The following MCF2L variants were observed in gnomAD, a reference collection of about 807,000 sequenced individuals.
The protein encoded by MCF2L is guanine nucleotide exchange factor DBS.
Under a neutral mutation model 153.4 loss-of-function variants are expected in MCF2L, and 97 were observed. The observed-to-expected ratio is 0.63, with a 90% confidence interval of 0.54 to 0.75. The LOEUF is 0.75. MCF2L is among the 30% of genes least tolerant of loss of function. The pLI, the probability that MCF2L is intolerant of heterozygous loss-of-function variation, is 0.00. For missense variants in MCF2L, 1,347 were observed against 1,495.2 expected (o/e 0.90, Z 1.64); for synonymous variants, 659 against 632.2 (o/e 1.04, Z -0.64).
At chr13:112,971,826 C>T (rs549853255) in intron 1 of MCF2L, among the ~76,000 whole-genome samples, 18 of 152,192 alleles carry the variant, frequency 1.2e-4, no homozygotes, top group South Asian at 2.1e-4. Flanking sequence ...GGCTCATTTT[C>T]GTCTGTTTTG....
chr13:112,968,636 G>A, upstream of MCF2L: 1 of 1,527,394 alleles, frequency 6.5e-7, no homozygotes, highest in Non-Finnish European at 8.8e-7. Context: ...CGGCGCGGGT[G>A]GCATGCGGCC....
Position 112,960,464 on chromosome 13 carries a change from T to C in MCF2L, c.170-54299T>C, listed in dbSNP as rs1016428135. 6.6e-6 allele frequency among the ~76,000 whole-genome samples: 1 copy of C among 152,140 alleles called. No individual in the cohort carries two copies. The highest frequency in any genetic ancestry group is 1.5e-5 in the Non-Finnish European group (1 of 68,026). ...AACCCCAGCAGACTGCCTTGTCCCC[T>C]GCTCATTTTGGTTGTTGCATTGAAA... is the stretch of plus-strand genomic sequence containing the variant. On this transcript the variant is annotated intron_variant, in intron 2 of 29. Coordinates refer to the MCF2L transcript ENST00000375608. This position sits in a 1 kb window ranked among gnomAD's most constrained non-coding sequence, Gnocchi z 4.2.
rs764351361 is a variant in MCF2L at position 112,943,722 on chromosome 13, C to G, written c.169+41351C>G. 4.6e-5 allele frequency among the ~76,000 whole-genome samples: 7 copies of G among 152,120 alleles called. No homozygotes were observed. Among genetic ancestry groups the G allele is most frequent in the Non-Finnish European group, 8.8e-5 (6 of 68,000 alleles). On this transcript the variant is annotated intron_variant, in intron 2 of 29. Transcript: ENST00000375608. The surrounding 1 kb of genome is among the most constrained non-coding windows in gnomAD (Gnocchi z 4.2). Reference sequence around the variant, plus strand: ...TGGAGGGACCACACCGCCGGGAGCCCGAGCAGCCTGCGGTGGCTCGGCTCG... The same window carrying G: ...TGGAGGGACCACACCGCCGGGAGCCGGAGCAGCCTGCGGTGGCTCGGCTCG...
At chr13:112,968,495 G>T, upstream of MCF2L, 1 of 1,585,252 alleles carries the variant, frequency 6.3e-7, no homozygotes, top group Non-Finnish European at 8.5e-7. Context: ...CGTGCCTGCA[G>T]CGCGCGCTTC....
At chr13:113,055,203 T>G (rs1216318307) in intron 4 of MCF2L, among the ~76,000 whole-genome samples, 1 of 152,144 alleles carries the variant, frequency 6.6e-6, no homozygotes, top group Non-Finnish European at 1.5e-5. Context: ...TTTATTCTAT[T>G]TAATATAATG....
chr13:113,035,913 C>T lies in MCF2L; in HGVS notation c.279-9358C>T, dbSNP rs2086125081. On this transcript the variant is annotated intron_variant, in intron 3 of 29. Transcript: ENST00000535094. This position sits in a 1 kb window ranked among gnomAD's most constrained non-coding sequence, Gnocchi z 4.4. ...TCTGTGTGACAGGCGATGGGGCCTT[C>T]CTCTCTGGTACAGCAGGGGCCTAAG... Among the ~76,000 whole-genome samples, 1 of 152,170 alleles carries T rather than the reference C, an allele frequency of 6.6e-6. No individual in the cohort carries two copies. The highest frequency in any genetic ancestry group is 1.5e-5 in the Non-Finnish European group (1 of 68,032).
At position 113,091,812 on chromosome 13, in the gene MCF2L, C is replaced by T. The variant is rs569430374; in HGVS notation, c.2953+2084C>T. On this transcript the variant is annotated intron_variant, in intron 26 of 29. Coordinates refer to ENST00000535094, the MANE Select transcript of MCF2L (RefSeq NM_001112732.3). Reference sequence around the variant, plus strand: ...CCTCCCCTGGCCTGTTGAGGACCTTCAAGTGCAGGGACGGGGCTCATGTTT... The same window carrying T: ...CCTCCCCTGGCCTGTTGAGGACCTTTAAGTGCAGGGACGGGGCTCATGTTT... Among the ~76,000 whole-genome samples, 7 of 152,342 alleles carry T rather than the reference C, an allele frequency of 4.6e-5. No individual in the cohort carries two copies. In the South Asian group the frequency reaches 1.4e-3, roughly 32 times the overall value.
chr13:113,092,950 C>T (rs1159327282), intron 26 of MCF2L, among the ~76,000 whole-genome samples: 1 of 152,250 alleles, frequency 6.6e-6, no homozygotes, highest in Non-Finnish European at 1.5e-5. Flanking sequence ...GGCCTCGCTG[C>T]CCCTGTGGAC....
At position 113,075,093 on chromosome 13, in the gene MCF2L, G is replaced by A. The variant is rs958979740; in HGVS notation, c.1212G>A (p.Gln404=). ...TAGACTCCATCCGCCCAAAGTGCCA[G>A]GAGCTCCGGCACCTCTGTGACCAGT... ...YAVDSIRPKC[Q]ELRHLCDQFS... The change falls in exon 11 of 30, where the codon CAG becomes CAA. Residue 404 remains glutamine, a synonymous_variant. Coordinates refer to ENST00000535094, the MANE Select transcript of MCF2L (RefSeq NM_001112732.3). The A allele has an allele frequency of 2.9e-5, 47 of 1,613,758 alleles. No homozygotes were observed. Among genetic ancestry groups the A allele is most frequent in the Non-Finnish European group, 4.0e-5 (47 of 1,180,006 alleles).
At chr13:113,013,751 G>T (rs1269412352) in intron 1 of MCF2L, among the ~76,000 whole-genome samples, 1 of 152,250 alleles carries the variant, frequency 6.6e-6, no homozygotes, top group African/African-American at 2.4e-5. Flanking sequence ...GACTGCAAAT[G>T]TGGCTATATG....
chr13:112,917,218 C>G, intron 2 of MCF2L: 2 of 469,556 alleles, frequency 4.3e-6, no homozygotes, highest in Non-Finnish European at 4.4e-6. Flanking sequence ...CACCGCCCTG[C>G]CTCCGCAGAG....
chr13:113,096,125 A>C (rs1473119292), intron 27 of MCF2L: 15 of 580,904 alleles, frequency 2.6e-5, no homozygotes, highest in Non-Finnish European at 3.4e-5. Context: ...GTGTGTGGAG[A>C]CCAGCGTGAG....
chr13:113,095,449 G>A, intron 27 of MCF2L: 1 of 1,083,164 alleles, frequency 9.2e-7, no homozygotes, highest in Non-Finnish European at 1.1e-6. Context: ...GGGGAAACAG[G>A]CTGGTGGAAC....
rs2031233076 is a variant in MCF2L, at chr13:113,060,616, G to C, written c.393G>C (p.Gln131His). The change falls in exon 5 of 30, where the codon CAG (glutamine) becomes CAC (histidine). Residue 131 changes from glutamine to histidine, a missense_variant. Physicochemically the swap from Gln to His is conservative, Grantham distance 24. This residue lies in a region of MCF2L where 820 missense variants were observed against 921.2 expected (regional missense o/e 0.89). Transcript: ENST00000535094. Reference protein sequence around the residue: ...RIAASFPANLQLVLVLRPTGF... With the variant: ...RIAASFPANLHLVLVLRPTGF... The stretch of plus-strand genomic sequence containing the variant: ...AGGCATCTTTCCCGGCAAACCTGCA[G>C]CTCGTCCTCGTGCTTCGCCCGACGG... 1.9e-6 allele frequency: 3 copies of C among 1,613,326 alleles called. No homozygotes were observed. Among genetic ancestry groups the C allele is most frequent in the Non-Finnish European group, 2.5e-6 (3 of 1,179,976 alleles).
Position 113,096,551 on chromosome 13 carries a change from T to A in MCF2L, c.3190T>A (p.Tyr1064Asn). The change falls in exon 29 of 30, where the codon TAC becomes AAC. Residue 1064 changes from tyrosine (Y) to asparagine (N), a missense_variant and splice_region_variant. Coordinates refer to ENST00000535094, the MANE Select transcript of MCF2L (RefSeq NM_001112732.3). The stretch of plus-strand genomic sequence containing the variant: ...GCCGCTGACCCTCGCCCCTTGCAGG[T>A]ACGTCAGGGACCCGACCACTGGCAA... ...LVQEGDEGLW[Y>N]VRDPTTGKEG... The A allele has an allele frequency of 6.2e-7, 1 of 1,603,506 alleles. No homozygotes were observed.
chr13:112,911,178 A>G (rs1311706478), intron 2 of MCF2L, among the ~76,000 whole-genome samples: 1 of 152,218 alleles, frequency 6.6e-6, no homozygotes, highest in Non-Finnish European at 1.5e-5. Context: ...CAGGAGCCTA[A>G]GCCCAGCTTT....
intron 1 of MCF2L, among the ~76,000 whole-genome samples, chr13:112,897,884 G>A (rs2081082396): frequency 6.6e-6 from 1 of 152,178 alleles, no homozygotes; most frequent in South Asian, 2.1e-4. Flanking sequence ...AGTCAGGGGT[G>A]TCGGCCTGGC....
chr13:112,996,961 C>T (rs1161533801), intron 1 of MCF2L, among the ~76,000 whole-genome samples: 3 of 152,246 alleles, frequency 2.0e-5, no homozygotes, highest in Admixed American at 6.5e-5. Context: ...GGGCCAGTCC[C>T]GCCCTCGCTA....
intron 2 of MCF2L, among the ~76,000 whole-genome samples, chr13:112,952,140 C>T (rs563910716): frequency 2.0e-5 from 3 of 152,268 alleles, no homozygotes; most frequent in South Asian, 4.2e-4. Flanking sequence ...AACACTGCCT[C>T]CCAGTTAAGG....
Sources: gnomAD v4.1 joint callset for allele counts (sites outside exome capture counted in the v4.1 genomes callset) on GRCh38, gnomAD v4.1.1 for gene constraint, gnomAD v4.1.1 regional missense constraint, Gnocchi (gnomAD v3.1) non-coding constraint, MANE v1.5 for transcripts, NCBI Gene and HGNC (gene_info 2026-07-23, HGNC 2026-07-21) for gene names.